The following MAP3K20 variants were observed in gnomAD, a reference collection of about 807,000 sequenced individuals.
The protein encoded by MAP3K20 is HCCS-4.
A neutral mutation model predicts 85.7 loss-of-function variants in MAP3K20; 40 were observed. The observed-to-expected ratio is 0.47, with a 90% CI of 0.36 to 0.61. MAP3K20 has a LOEUF of 0.61. MAP3K20 is among the 20% of genes least tolerant of loss of function. The probability of loss-of-function intolerance (pLI) is 0.00; values close to 1 mark genes in which losing one functional copy is unlikely to be tolerated. For synonymous variants in MAP3K20, 325 were observed against 327.7 expected (o/e 0.99, Z 0.09); for missense variants, 817 against 961.7 (o/e 0.85, Z 1.99).
At chr2:173,119,017 GA>G (rs1688202127) in intron 2 of MAP3K20, among the ~76,000 whole-genome samples, 1 of 152,210 alleles carries the variant, frequency 6.6e-6, no homozygotes, top group Non-Finnish European at 1.5e-5. Context: ...TTTGAATAGG[GA>G]AACTTCAGTA....
intron 14 of MAP3K20, among the ~76,000 whole-genome samples, chr2:173,234,863 G>T (rs3769150): frequency 0.074 from 11,228 of 152,212 alleles, 1,054 homozygotes; most frequent in East Asian, 0.54. Flanking sequence ...AGAATTGACA[G>T]GTTTACACTT....
intron 2 of MAP3K20, among the ~76,000 whole-genome samples, chr2:173,161,367 T>C (rs1275850179): frequency 6.6e-6 from 1 of 152,198 alleles, no homozygotes; most frequent in African/African-American, 2.4e-5. Flanking sequence ...CCCTTAAGCA[T>C]GTAAAAGAGC....
chr2:173,209,383 C>T (rs974105093), intron 9 of MAP3K20, among the ~76,000 whole-genome samples: 7 of 152,172 alleles, frequency 4.6e-5, no homozygotes, highest in Non-Finnish European at 8.8e-5. Flanking sequence ...GGCTTTATCA[C>T]GGAGATTTTT....
At chr2:173,242,957 G>A (rs1036744885) in intron 16 of MAP3K20, among the ~76,000 whole-genome samples, 4 of 151,942 alleles carry the variant, frequency 2.6e-5, no homozygotes, top group African/African-American at 7.3e-5. Flanking sequence ...CACCCGGCTC[G>A]ACCTCCCAAA....
chr2:173,172,805 C>CTT (rs202047858), intron 3 of MAP3K20, among the ~76,000 whole-genome samples: 9 of 145,146 alleles, frequency 6.2e-5, no homozygotes, highest in Non-Finnish European at 1.2e-4. Context: ...CTTTTCTTTT[C>CTT]TTTTTTTTTT....
intron 1 of MAP3K20, among the ~76,000 whole-genome samples, chr2:173,089,072 G>A (rs1687219790): frequency 6.6e-6 from 1 of 152,172 alleles, no homozygotes; most frequent in Non-Finnish European, 1.5e-5. Context: ...CCAGCTGCAT[G>A]CTAAGATCTT....
At chr2:173,162,888 G>A (rs1481759773) in intron 2 of MAP3K20, among the ~76,000 whole-genome samples, 1 of 152,138 alleles carries the variant, frequency 6.6e-6, no homozygotes, top group Admixed American at 6.5e-5. Flanking sequence ...TAGGTGGAGG[G>A]AAGTAGCTGT....
At chr2:173,128,469 A>T (rs992350957) in intron 2 of MAP3K20, among the ~76,000 whole-genome samples, 2 of 151,890 alleles carry the variant, frequency 1.3e-5, no homozygotes, top group Non-Finnish European at 2.9e-5. Context: ...AGTAGCTGGG[A>T]CTACAGGCGC....
chr2:173,131,137 T>G (rs1160763701), intron 2 of MAP3K20, among the ~76,000 whole-genome samples: 1 of 152,212 alleles, frequency 6.6e-6, no homozygotes, highest in Non-Finnish European at 1.5e-5. Flanking sequence ...CCAAGGATCT[T>G]AAATCATCCT....
intron 2 of MAP3K20, among the ~76,000 whole-genome samples, chr2:173,162,955 C>T (rs1242671817): frequency 6.6e-6 from 1 of 152,130 alleles, no homozygotes; most frequent in Non-Finnish European, 1.5e-5. Flanking sequence ...AACCTGCCAG[C>T]CTTATGATGT....
At chr2:173,105,175 A>G (rs1212880624) in intron 2 of MAP3K20, among the ~76,000 whole-genome samples, 1 of 152,204 alleles carries the variant, frequency 6.6e-6, no homozygotes, top group Non-Finnish European at 1.5e-5. Flanking sequence ...AAGAGATTAC[A>G]TGGGACAGAG....
chr2:173,204,826 G>A (rs1683614227), intron 9 of MAP3K20, among the ~76,000 whole-genome samples: 1 of 152,136 alleles, frequency 6.6e-6, no homozygotes, highest in Admixed American at 6.5e-5. Context: ...AAAATAGGCT[G>A]GGCGCGGTGG....
At chr2:173,161,889 G>A (rs1472837829) in intron 2 of MAP3K20, among the ~76,000 whole-genome samples, 3 of 152,248 alleles carry the variant, frequency 2.0e-5, no homozygotes, top group East Asian at 1.9e-4. Flanking sequence ...TATGCCTACC[G>A]TAGTCCTGGG....
In MAP3K20 at chr2:173,266,714, A is replaced by G. The variant is rs1685433882; in HGVS notation, c.2367A>G (p.Arg789=). Residue 789 remains arginine, a synonymous_variant, in exon 20 of 20, where the codon AGA becomes AGG. Coordinates refer to ENST00000375213, the MANE Select transcript of MAP3K20 (RefSeq NM_016653.3). ...CTCCCGCCAAAACCAATAAAGAGAG[A>G]GCCAGAGGGGACCACCGTGGATGGA... The part of the protein sequence containing the change: ...RPSPAKTNKE[R]ARGDHRGWRN... 1 of 1,577,156 alleles carries G rather than the reference A, an allele frequency of 6.3e-7. No individual in the cohort carries two copies. The highest frequency in any genetic ancestry group is 1.9e-5 in the Admixed American group (1 of 53,624).
chr2:173,078,942 C>A (rs149936685), intron 1 of MAP3K20, among the ~76,000 whole-genome samples: 1 of 152,160 alleles, frequency 6.6e-6, no homozygotes, highest in East Asian at 1.9e-4. Flanking sequence ...ACTTTCATAC[C>A]CCTGATCCTC....
At chr2:173,241,156 A>T (rs1684771386) in intron 16 of MAP3K20, among the ~76,000 whole-genome samples, 2 of 152,186 alleles carry the variant, frequency 1.3e-5, no homozygotes, top group Non-Finnish European at 2.9e-5. Context: ...AATGAATAAG[A>T]TCTATTATTT....
chr2:173,239,610 A>C, intron 16 of MAP3K20, 114 bp downstream of exon 16: 1 of 888,682 alleles, frequency 1.1e-6, no homozygotes. Flanking sequence ...ATTTTGAGTA[A>C]ATTTATAGAC....
At chr2:173,161,289 G>T (rs1689650609) in intron 2 of MAP3K20, among the ~76,000 whole-genome samples, 1 of 152,180 alleles carries the variant, frequency 6.6e-6, no homozygotes, top group South Asian at 2.1e-4. Context: ...ACATAACTCT[G>T]AACTGTGCTT....
chr2:173,232,563 G>A (rs1332707409), intron 14 of MAP3K20, 104 bp downstream of exon 14: 3 of 1,520,352 alleles, frequency 2.0e-6, no homozygotes, highest in Non-Finnish European at 2.7e-6. Flanking sequence ...GAGTGCAAAG[G>A]CACAATCTTG....
Sources: allele counts gnomAD v4.1 joint callset (sites outside exome capture counted in the v4.1 genomes callset), GRCh38; gene constraint gnomAD v4.1.1; transcripts MANE v1.5; gene names NCBI Gene and HGNC (gene_info 2026-07-23, HGNC 2026-07-21).